PLEKHG1: variants seen among roughly 807,000 people sequenced by gnomAD.
PLEKHG1 encodes the protein pleckstrin homology and RhoGEF domain containing G1.
Under a neutral mutation model 100.8 loss-of-function variants are expected in PLEKHG1, and 44 were observed. The observed-to-expected ratio is 0.44, with a 90% CI of 0.34 to 0.56. The LOEUF (loss-of-function observed/expected upper bound fraction) is 0.56. Among genes scored for constraint, PLEKHG1 ranks in the 20% least tolerant of loss-of-function variants. The probability of loss-of-function intolerance (pLI) is 0.01; values close to 1 mark genes in which losing one functional copy is unlikely to be tolerated. For missense variants in PLEKHG1, 1,545 were observed against 1,720.9 expected, an observed-to-expected ratio of 0.90 and a Z score of 1.81; for synonymous variants, 640 against 662.5, an observed-to-expected ratio of 0.97 and a Z score of 0.52.
chr6:150,789,253 G>T (rs1785820934), intron 4 of PLEKHG1, among the ~76,000 whole-genome samples: 1 of 152,104 alleles, frequency 6.6e-6, no homozygotes, highest in African/African-American at 2.4e-5. Context: ...TGAAAGATTT[G>T]AAGAACTAGA....
intron 3 of PLEKHG1, among the ~76,000 whole-genome samples, chr6:150,771,242 A>G (rs1784700192): frequency 6.6e-6 from 1 of 152,114 alleles, no homozygotes; most frequent in Non-Finnish European, 1.5e-5. Context: ...GCAAGACCCT[A>G]TCTCTACTAA....
chr6:150,833,381 G>A (rs1287003797), intron 15 of PLEKHG1, among the ~76,000 whole-genome samples: 3 of 152,222 alleles, frequency 2.0e-5, no homozygotes, highest in Non-Finnish European at 4.4e-5. Context: ...AATAGCTGCT[G>A]TAATGCATTC....
chr6:150,774,531 A>ATTTTTTTTTT lies in PLEKHG1; in HGVS notation c.512+5812_512+5821dup, dbSNP rs61521577. 8.0e-5 allele frequency among the ~76,000 whole-genome samples: 7 copies of ATTTTTTTTTT among 87,140 alleles called. 2 individuals are homozygous for ATTTTTTTTTT. The highest frequency in any genetic ancestry group is 2.6e-4 in the African/African-American group (7 of 26,570). 57.2% of individuals were successfully genotyped at this position (87,140 alleles called of 152,430 possible). On this transcript the variant is annotated intron_variant, in intron 3 of 15. Coordinates refer to ENST00000358517, the Ensembl canonical transcript of PLEKHG1. The stretch of plus-strand genomic sequence containing the variant: ...TCTATTTAGGCACTGATTAGTTTGA[A>ATTTTTTTTTT]TTTTTTTTTTTTTTTTTTTTTTTTT...
intron 15 of PLEKHG1, 52 bp downstream of exon 16, chr6:150,832,257 T>C (rs1337008768): frequency 4.3e-6 from 6 of 1,386,650 alleles, no homozygotes; most frequent in African/African-American, 2.9e-5. Context: ...GGAGAGCGGT[T>C]TTCAGATTTC....
chr6:150,801,739 C>A (rs184346050), intron 6 of PLEKHG1, among the ~76,000 whole-genome samples: 98 of 152,132 alleles, frequency 6.4e-4, no homozygotes, highest in Non-Finnish European at 9.6e-4. Context: ...CACGCCCGTC[C>A]TCAAATTCTT....
chr6:150,813,344 G>C (rs1257523467), intron 10 of PLEKHG1, among the ~76,000 whole-genome samples: 3 of 150,926 alleles, frequency 2.0e-5, no homozygotes, highest in Non-Finnish European at 4.4e-5. Context: ...CACTAGAGAT[G>C]ACTAGAATAG....
rs1041849159 is a variant in PLEKHG1, at chr6:150,600,078, G to A, written c.-204+61G>A. ...TTTCCAGGGATGGGAGGGGGGACCC[G>A]GGGACCTCCGGCGGGAGCCCCACAT... is the stretch of plus-strand genomic sequence containing the variant. On this transcript the variant is annotated intron_variant, in intron 1 of 3. Coordinates refer to the PLEKHG1 transcript ENST00000367326. This position sits in a 1 kb window ranked among gnomAD's most constrained non-coding sequence, Gnocchi z 6.2. 15 of 181,754 alleles carry A rather than the reference G, an allele frequency of 8.3e-5. No individual in the cohort carries two copies. Among genetic ancestry groups the A allele is most frequent in the African/African-American group, 2.9e-4 (12 of 41,560 alleles). 11.3% of individuals were successfully genotyped at this position (181,754 alleles called of 1,614,324 possible).
intron 2 of PLEKHG1, among the ~76,000 whole-genome samples, chr6:150,650,147 C>T (rs1270129379): frequency 1.3e-5 from 2 of 151,616 alleles, no homozygotes; most frequent in Non-Finnish European, 2.9e-5. Flanking sequence ...AGCCTCACCC[C>T]AATGAGCTCG....
At chr6:150,726,533 T>C (rs1401887931) in intron 1 of PLEKHG1, among the ~76,000 whole-genome samples, 2 of 152,234 alleles carry the variant, frequency 1.3e-5, no homozygotes, top group Non-Finnish European at 2.9e-5. Flanking sequence ...AGTTCCCATA[T>C]GTCTTTCATC....
chr6:150,701,139 G>T (rs1780755982), intron 3 of PLEKHG1, among the ~76,000 whole-genome samples: 1 of 151,550 alleles, frequency 6.6e-6, no homozygotes, highest in Admixed American at 6.6e-5. Flanking sequence ...GGCCAACATG[G>T]TGAAACCTTG....
At chr6:150,754,006 C>T (rs967632974) in intron 2 of PLEKHG1, among the ~76,000 whole-genome samples, 1 of 152,210 alleles carries the variant, frequency 6.6e-6, no homozygotes. Flanking sequence ...AAGCACAGTG[C>T]CTACTAACTG....
intron 6 of PLEKHG1, among the ~76,000 whole-genome samples, chr6:150,801,722 G>A (rs1253155640): frequency 6.6e-6 from 1 of 151,896 alleles, no homozygotes; most frequent in Non-Finnish European, 1.5e-5. Flanking sequence ...TTACAGATGT[G>A]AGCCACCACG....
chr6:150,721,536 A>G (rs1781674677), intron 1 of PLEKHG1, among the ~76,000 whole-genome samples: 1 of 152,206 alleles, frequency 6.6e-6, no homozygotes, highest in Admixed American at 6.5e-5. Flanking sequence ...GGAGAACTCT[A>G]AAATCCTCAG....
At chr6:150,610,945 C>G (rs1441750269) in intron 1 of PLEKHG1, among the ~76,000 whole-genome samples, 4 of 152,166 alleles carry the variant, frequency 2.6e-5, no homozygotes. Flanking sequence ...TATTCCAAAC[C>G]ATTTGAGTGT....
chr6:150,841,860 C>T (rs917732036), exon 16 of PLEKHG1: 2 of 152,222 alleles, frequency 1.3e-5, no homozygotes, highest in African/African-American at 4.8e-5. Context: ...CATGCACCCT[C>T]CTGAGTTTGG....
At chr6:150,644,045 G>A (rs141739764) in intron 2 of PLEKHG1, among the ~76,000 whole-genome samples, 4 of 152,182 alleles carry the variant, frequency 2.6e-5, no homozygotes, top group South Asian at 2.1e-4. Flanking sequence ...GTACATAATC[G>A]TAAATATTTG....
chr6:150,789,201 A>C (rs893065497), intron 4 of PLEKHG1, among the ~76,000 whole-genome samples: 4 of 152,226 alleles, frequency 2.6e-5, no homozygotes, highest in Non-Finnish European at 4.4e-5. Flanking sequence ...TGGCTCTTTC[A>C]TAATTAAATG....
chr6:150,836,482 A>G (rs909790682), intron 15 of PLEKHG1, among the ~76,000 whole-genome samples: 2 of 152,196 alleles, frequency 1.3e-5, no homozygotes, highest in Non-Finnish European at 2.9e-5. Context: ...TAGGTCCTCT[A>G]TAGGGAGTTG....
At chr6:150,614,761 G>C (rs1465856841) in intron 1 of PLEKHG1, among the ~76,000 whole-genome samples, 1 of 152,146 alleles carries the variant, frequency 6.6e-6, no homozygotes, top group Non-Finnish European at 1.5e-5. Flanking sequence ...GGTCTCCTGC[G>C]GAGTGGAAAA....
Sources: gnomAD v4.1 joint callset for allele counts (sites outside exome capture counted in the v4.1 genomes callset) on GRCh38, gnomAD v4.1.1 for gene constraint, Gnocchi (gnomAD v3.1) non-coding constraint, MANE v1.5 for transcripts, NCBI Gene and HGNC (gene_info 2026-07-23, HGNC 2026-07-21) for gene names.